The following SEMA3A variants were observed in gnomAD, a reference collection of about 807,000 sequenced individuals.
The protein encoded by SEMA3A is semaphorin-3A.
In SEMA3A, 29 loss-of-function variants were observed where a neutral mutation model predicts 97.9. The ratio of observed to expected loss-of-function variants is 0.30; its 90% CI spans 0.22 to 0.40. SEMA3A has a LOEUF of 0.40. Among genes scored for constraint, SEMA3A ranks in the 10% least tolerant of loss-of-function variants. The probability of loss-of-function intolerance (pLI) is 1.00; values close to 1 mark genes in which losing one functional copy is unlikely to be tolerated. For missense variants in SEMA3A, 763 were observed against 951.3 expected (o/e 0.80, Z 2.60); for synonymous variants, 321 against 323.7 (o/e 0.99, Z 0.09).
rs556371367 is a variant in SEMA3A at position 84,391,663 on chromosome 7, A to G, written c.-245-19763T>C. Among the ~76,000 whole-genome samples the G allele has an allele frequency of 7.1e-4, 108 of 152,160 alleles. 1 individual carries two copies. Among genetic ancestry groups the G allele is most frequent in the Non-Finnish European group, 1.3e-3 (88 of 67,996 alleles). On this transcript the variant is annotated intron_variant, in intron 1 of 3. Transcript: ENST00000424555. The stretch of plus-strand genomic sequence containing the variant: ...TGTGTTTGCAATGATTCACTTGAAA[A>G]ACATTTTAAAAAATTATCCATTGAC...
intron 4 of SEMA3A, among the ~76,000 whole-genome samples, chr7:84,060,982 A>C (rs1245783417): frequency 3.3e-5 from 5 of 152,236 alleles, no homozygotes; most frequent in Admixed American, 3.3e-4. Context: ...GTTGTCTAGA[A>C]TAAATTACAC....
chr7:84,283,615 G>C (rs1454926354), intron 3 of SEMA3A, among the ~76,000 whole-genome samples: 1 of 151,564 alleles, frequency 6.6e-6, no homozygotes, highest in African/African-American at 2.4e-5. Context: ...TAGAAACAAA[G>C]TATCAAACTA....
chr7:84,413,128 A>T (rs1804318166), intron 1 of SEMA3A, among the ~76,000 whole-genome samples: 1 of 152,200 alleles, frequency 6.6e-6, no homozygotes, highest in Admixed American at 6.5e-5. Flanking sequence ...TTCTTTCTTC[A>T]TCTACTGACT....
chr7:84,194,030 T>C (rs1421844898), intron 1 of SEMA3A, among the ~76,000 whole-genome samples: 2 of 152,290 alleles, frequency 1.3e-5, no homozygotes, highest in Admixed American at 6.5e-5. Context: ...AACTGAATAT[T>C]CATGATGACG....
chr7:84,029,223 T>A (rs1584566890), intron 6 of SEMA3A, among the ~76,000 whole-genome samples: 1 of 152,232 alleles, frequency 6.6e-6, no homozygotes, highest in South Asian at 2.1e-4. Context: ...TAAACTCTTT[T>A]ATCTTGTAAG....
chr7:83,966,734 G>A (rs903786747), intron 15 of SEMA3A, among the ~76,000 whole-genome samples: 2 of 150,714 alleles, frequency 1.3e-5, no homozygotes, highest in African/African-American at 4.9e-5. Context: ...TTTTTGAGAC[G>A]GAGTTTCCCT....
intron 1 of SEMA3A, among the ~76,000 whole-genome samples, chr7:84,395,573 G>T (rs544479539): frequency 1.3e-4 from 20 of 150,598 alleles, no homozygotes; most frequent in African/African-American, 4.7e-4. Flanking sequence ...GGGGGGACCA[G>T]GTGGAGATAA....
At chr7:84,095,358 C>CACACATATATATATAT (rs1211794166) in intron 4 of SEMA3A, among the ~76,000 whole-genome samples, 24 of 122,886 alleles carry the variant, frequency 2.0e-4, no homozygotes, top group Admixed American at 1.1e-3. Context: ...TTTTTATATA[C>CACACATATATATATAT]ATATATATAT....
chr7:84,410,945 CTTG>C (rs1250692028), intron 1 of SEMA3A, among the ~76,000 whole-genome samples: 1 of 151,960 alleles, frequency 6.6e-6, no homozygotes, highest in African/African-American at 2.4e-5. Context: ...TCAGGTTTTT[CTTG>C]TTGTCGTTGT....
chr7:83,986,364 G>T (rs903360802), intron 12 of SEMA3A, among the ~76,000 whole-genome samples: 4 of 152,154 alleles, frequency 2.6e-5, no homozygotes, highest in African/African-American at 9.7e-5. Context: ...TAACATAGAG[G>T]AGTAATAACT....
intron 10 of SEMA3A, among the ~76,000 whole-genome samples, chr7:84,005,843 G>T (rs1363317443): frequency 6.6e-6 from 1 of 152,092 alleles, no homozygotes; most frequent in Non-Finnish European, 1.5e-5. Flanking sequence ...CAGCTACTTG[G>T]GAGGCTGAGG....
intron 4 of SEMA3A, among the ~76,000 whole-genome samples, chr7:84,065,576 G>T (rs1464658083): frequency 6.7e-6 from 1 of 148,414 alleles, no homozygotes; most frequent in African/African-American, 2.5e-5. Context: ...AATAAGAAAT[G>T]ATAAAGGGGA....
At chr7:84,104,703 C>T (rs575433110) in intron 4 of SEMA3A, among the ~76,000 whole-genome samples, 5 of 152,010 alleles carry the variant, frequency 3.3e-5, no homozygotes, top group African/African-American at 4.8e-5. Flanking sequence ...AGCACTACCT[C>T]TATTAATTTT....
At chr7:84,379,197 G>A (rs1803191869) in intron 1 of SEMA3A, among the ~76,000 whole-genome samples, 1 of 152,102 alleles carries the variant, frequency 6.6e-6, no homozygotes, top group African/African-American at 2.4e-5. Context: ...AAAGTGCTGG[G>A]ATTACAGGTG....
At chr7:84,448,284 CAGTATT>C (rs1174492469) in intron 1 of SEMA3A, among the ~76,000 whole-genome samples, 2 of 151,900 alleles carry the variant, frequency 1.3e-5, no homozygotes, top group African/African-American at 2.4e-5. Context: ...CTGTTTCACA[CAGTATT>C]AGAAGTTGTA....
intron 3 of SEMA3A, among the ~76,000 whole-genome samples, chr7:84,263,277 G>T (rs1471426026): frequency 6.6e-6 from 1 of 152,144 alleles, no homozygotes; most frequent in Non-Finnish European, 1.5e-5. Context: ...GTGTAGGTGG[G>T]AATACTTGAG....
chr7:84,346,029 A>G (rs1335429422), intron 2 of SEMA3A, among the ~76,000 whole-genome samples: 1 of 152,224 alleles, frequency 6.6e-6, no homozygotes, highest in Non-Finnish European at 1.5e-5. Context: ...GATCTTAGCT[A>G]GACATGGATA....
At chr7:84,451,360 T>C (rs1052804103) in intron 1 of SEMA3A, among the ~76,000 whole-genome samples, 2 of 152,304 alleles carry the variant, frequency 1.3e-5, no homozygotes, top group African/African-American at 2.4e-5. Context: ...TTCAAGGTCA[T>C]AGGGAAAAGT....
chr7:84,094,533 T>A (rs998505443), intron 4 of SEMA3A, among the ~76,000 whole-genome samples: 3 of 152,174 alleles, frequency 2.0e-5, no homozygotes, highest in African/African-American at 4.8e-5. Context: ...ATGGGTGTTC[T>A]TATGAAAGAA....
Sources: allele counts gnomAD v4.1 joint callset (sites outside exome capture counted in the v4.1 genomes callset), GRCh38; gene constraint gnomAD v4.1.1; transcripts MANE v1.5; gene names NCBI Gene and HGNC (gene_info 2026-07-23, HGNC 2026-07-21).